DERA: variants seen among roughly 807,000 people sequenced by gnomAD.
DERA encodes 2-deoxy-D-ribose 5-phosphate aldolase.
Under a neutral mutation model 41.1 loss-of-function variants are expected in DERA, and 15 were observed. The ratio of observed to expected loss-of-function variants is 0.37; its 90% confidence interval spans 0.24 to 0.56. DERA has a LOEUF of 0.56. DERA is among the 20% of genes least tolerant of loss of function. The pLI, the probability that DERA is intolerant of heterozygous loss-of-function variation, is 0.81. For missense variants in DERA, 396 were observed against 403.4 expected, an observed-to-expected ratio of 0.98 and a Z score of 0.16; for synonymous variants, 139 against 137.4, an observed-to-expected ratio of 1.01 and a Z score of -0.08.
chr12:16,016,022 C>CA (rs1214292261), intron 6 of DERA, among the ~76,000 whole-genome samples: 1 of 152,166 alleles, frequency 6.6e-6, no homozygotes, highest in Non-Finnish European at 1.5e-5. Context: ...TTAGTATTCT[C>CA]ACAAAGTTGT....
rs973714270 is a variant in DERA, at chr12:16,035,528, G to A, written c.751-704G>A. ...TAATGGATCCAGGGACATCATTTACGAATATCAGATATTGGCTGAATTCAG... is the reference window on the plus strand; with the variant it reads ...TAATGGATCCAGGGACATCATTTACAAATATCAGATATTGGCTGAATTCAG... On this transcript the variant is annotated intron_variant, in intron 7 of 8. Transcript: ENST00000428559. This position sits in a 1 kb window ranked among gnomAD's most constrained non-coding sequence, Gnocchi z 4.1. 3.9e-5 allele frequency among the ~76,000 whole-genome samples: 6 copies of A among 152,036 alleles called. No homozygotes were observed. Among genetic ancestry groups the A allele is most frequent in the African/African-American group, 1.2e-4 (5 of 41,370 alleles).
chr12:15,964,418 G>A (rs1948609476), intron 5 of DERA, among the ~76,000 whole-genome samples: 1 of 152,096 alleles, frequency 6.6e-6, no homozygotes, highest in Admixed American at 6.5e-5. Context: ...TTCTTGCCAG[G>A]TTTAAACTCT....
At chr12:15,945,419 G>T (rs543255861) in intron 1 of DERA, among the ~76,000 whole-genome samples, 18 of 152,278 alleles carry the variant, frequency 1.2e-4, no homozygotes, top group African/African-American at 3.9e-4. Context: ...GCAGTGGTTT[G>T]TAGTTCTCCT....
chr12:16,007,117 A>G lies in DERA; in HGVS notation c.637+24681A>G, dbSNP rs1948915850. On this transcript the variant is annotated intron_variant, in intron 6 of 8. Transcript: ENST00000428559. ...AATAGGCAATTGCAGCCATAGAGTC[A>G]TTGTAAAACTTAGTTATGTTCATTA... Among the ~76,000 whole-genome samples the G allele has an allele frequency of 2.0e-5, 3 of 150,714 alleles. No individual in the cohort carries two copies. The South Asian group carries it at 6.3e-4, about 32-fold the overall frequency.
Position 16,009,250 on chromosome 12 carries a change from G to A in DERA, c.638-23292G>A, listed in dbSNP as rs1948932470. On this transcript the variant is annotated intron_variant, in intron 6 of 8. Coordinates refer to ENST00000428559, the MANE Select transcript of DERA (RefSeq NM_015954.4). The surrounding 1 kb of genome is among the most constrained non-coding windows in gnomAD (Gnocchi z 5.3). ...ATGCTTTTGGGTGAGTAGCAGAAGA[G>A]AACAATGGAATATTGGATTAAATTC... Among the ~76,000 whole-genome samples the A allele has an allele frequency of 6.6e-6, 1 of 152,168 alleles. No homozygotes were observed.
chr12:15,972,014 C>T lies in DERA; in HGVS notation c.508+9067C>T, dbSNP rs2045870. On this transcript the variant is annotated intron_variant, in intron 5 of 8. Transcript: ENST00000428559. This position sits in a 1 kb window ranked among gnomAD's most constrained non-coding sequence, Gnocchi z 4.4. Reference sequence around the variant, plus strand: ...ATCTGGTCTCATAGGAAGACAGCACCTCGTGTAGCTTCCTGCGATCTGACC... The same window carrying T: ...ATCTGGTCTCATAGGAAGACAGCACTTCGTGTAGCTTCCTGCGATCTGACC... The T allele has an allele frequency of 0.62, 107,299 of 171,924 alleles. 33,957 individuals are homozygous for T. Among genetic ancestry groups the T allele is most frequent in the East Asian group, 0.82 (4,519 of 5,508 alleles). 10.6% of individuals were successfully genotyped at this position (171,924 alleles called of 1,614,324 possible).
chr12:16,006,584 G>A (rs1473664749), intron 6 of DERA, among the ~76,000 whole-genome samples: 1 of 152,136 alleles, frequency 6.6e-6, no homozygotes, highest in Non-Finnish European at 1.5e-5. Context: ...CGTCGTACCC[G>A]ACATGAATTC....
At chr12:16,027,799 T>C (rs1949062785) in intron 6 of DERA, among the ~76,000 whole-genome samples, 1 of 152,196 alleles carries the variant, frequency 6.6e-6, no homozygotes, top group African/African-American at 2.4e-5. Flanking sequence ...TAAAACTGTC[T>C]TTGTTTACAA....
rs1948403002 is a variant in DERA at position 15,940,773 on chromosome 12, T to C, written c.32-16163T>C. On this transcript the variant is annotated intron_variant, in intron 1 of 8. Coordinates refer to ENST00000428559, the MANE Select transcript of DERA (RefSeq NM_015954.4). The surrounding 1 kb of genome is among the most constrained non-coding windows in gnomAD (Gnocchi z 5.1). ...TTCTGGTAACTGTATCTTCTGAATA[T>C]GTGTTAAATTGCCATCTTTGGACAC... Among the ~76,000 whole-genome samples, 1 of 152,242 alleles carries C rather than the reference T, an allele frequency of 6.6e-6. No individual in the cohort carries two copies. The highest frequency in any genetic ancestry group is 1.5e-5 in the Non-Finnish European group (1 of 68,040).
rs1304547129 is a variant in DERA at position 15,995,133 on chromosome 12, GTT to G, written c.637+12699_637+12700del. ...ATATCAGATAATATTTATAAGCTGT[GTT>G]TAACTTTTGGAGGCACAGATGTTTC... On this transcript the variant is annotated intron_variant, in intron 6 of 8. Coordinates refer to ENST00000428559, the MANE Select transcript of DERA (RefSeq NM_015954.4). This position sits in a 1 kb window ranked among gnomAD's most constrained non-coding sequence, Gnocchi z 5.1. Among the ~76,000 whole-genome samples the G allele has an allele frequency of 6.6e-6, 1 of 152,164 alleles. No individual in the cohort carries two copies. Among genetic ancestry groups the G allele is most frequent in the East Asian group, 1.9e-4 (1 of 5,186 alleles).
chr12:15,948,790 T>A (rs902515704), intron 1 of DERA, among the ~76,000 whole-genome samples: 30 of 152,220 alleles, frequency 2.0e-4, no homozygotes, highest in Admixed American at 1.8e-3. Flanking sequence ...TTTTAGAATT[T>A]TCAGCTTTTC....
intron 6 of DERA, among the ~76,000 whole-genome samples, chr12:16,023,318 C>T (rs923502478): frequency 3.3e-5 from 5 of 152,124 alleles, no homozygotes; most frequent in African/African-American, 1.2e-4. Flanking sequence ...ATGGCAGCTA[C>T]AGCAAACCTT....
chr12:15,945,252 T>C (rs1266834337), intron 1 of DERA, among the ~76,000 whole-genome samples: 2 of 152,238 alleles, frequency 1.3e-5, no homozygotes, highest in Non-Finnish European at 2.9e-5. Flanking sequence ...AGTAGTTTTT[T>C]CCAATTCTGT....
chr12:15,944,177 C>A (rs976567045), intron 1 of DERA, among the ~76,000 whole-genome samples: 1 of 151,908 alleles, frequency 6.6e-6, no homozygotes, highest in African/African-American at 2.4e-5. Flanking sequence ...TGAATAGTGC[C>A]GCAATGAACA....
intron 1 of DERA, among the ~76,000 whole-genome samples, chr12:15,920,735 C>T (rs1203217170): frequency 3.9e-5 from 6 of 152,200 alleles, no homozygotes; most frequent in Non-Finnish European, 8.8e-5. Flanking sequence ...ACTCGCGAGG[C>T]TGAGGCAGGA....
At position 16,003,102 on chromosome 12, in the gene DERA, GAGAA is replaced by G. The variant is rs2136174335; in HGVS notation, c.637+20671_637+20674del. On this transcript the variant is annotated intron_variant, in intron 6 of 8. Coordinates refer to ENST00000428559, the MANE Select transcript of DERA (RefSeq NM_015954.4). This position sits in a 1 kb window ranked among gnomAD's most constrained non-coding sequence, Gnocchi z 4.8. The stretch of plus-strand genomic sequence containing the variant: ...AGGGTTAGTTCCTTCTGAGGGCTAT[GAGAA>G]AGAATCTGTTTTGTGGCTCTCCCCT... Among the ~76,000 whole-genome samples the G allele has an allele frequency of 6.6e-6, 1 of 152,292 alleles. No individual in the cohort carries two copies. Among genetic ancestry groups the G allele is most frequent in the East Asian group, 1.9e-4 (1 of 5,184 alleles).
intron 5 of DERA, among the ~76,000 whole-genome samples, chr12:15,969,808 AGT>A (rs1441322206): frequency 6.6e-6 from 1 of 152,202 alleles, no homozygotes; most frequent in Non-Finnish European, 1.5e-5. Flanking sequence ...TCTTTTATAG[AGT>A]GTTAATCATA....
intron 5 of DERA, among the ~76,000 whole-genome samples, chr12:15,977,353 A>T (rs1202395729): frequency 6.6e-6 from 1 of 152,206 alleles, no homozygotes; most frequent in Non-Finnish European, 1.5e-5. Flanking sequence ...GAGGAAATAC[A>T]GTTTTATTCC....
chr12:15,916,776 T>G (rs1001185243), intron 1 of DERA, among the ~76,000 whole-genome samples: 2 of 152,134 alleles, frequency 1.3e-5, no homozygotes, highest in Non-Finnish European at 2.9e-5. Context: ...ATGTATTCTT[T>G]TAAAAAATGT....
Sources: gnomAD v4.1 joint callset for allele counts (sites outside exome capture counted in the v4.1 genomes callset) on GRCh38, gnomAD v4.1.1 for gene constraint, Gnocchi (gnomAD v3.1) non-coding constraint, MANE v1.5 for transcripts, NCBI Gene and HGNC (gene_info 2026-07-23, HGNC 2026-07-21) for gene names.